SLC35A5: variants seen among roughly 807,000 people sequenced by gnomAD.
The protein encoded by SLC35A5 is solute carrier family 35 member A5.
In SLC35A5, 28 loss-of-function variants were observed where a neutral mutation model predicts 36.3. The ratio of observed to expected loss-of-function variants is 0.77; its 90% CI spans 0.57 to 1.06. The LOEUF is 1.06. Ranked by LOEUF, SLC35A5 falls within the 50% of genes least tolerant of loss-of-function variation. The pLI is 0.00. For missense variants in SLC35A5, 521 were observed against 499.3 expected, an observed-to-expected ratio of 1.04 and a Z score of -0.41; for synonymous variants, 180 against 173.7, an observed-to-expected ratio of 1.04 and a Z score of -0.29.
chr3:112,580,902 A>G lies in SLC35A5; in HGVS notation c.785A>G (p.Glu262Gly), dbSNP rs1934882308. ...KILKEGNQLTESIFIQNSKLY... is the reference protein window; with the variant it reads ...KILKEGNQLTGSIFIQNSKLY... Reference sequence around the variant, plus strand: ...CTGAAGGAAGGGAACCAGCTCACTGAAAGCATCTTCATACAGAACAGCAAA... The same window carrying G: ...CTGAAGGAAGGGAACCAGCTCACTGGAAGCATCTTCATACAGAACAGCAAA... The change falls in exon 6 of 7, where the codon GAA (glutamate) becomes GGA (glycine). Residue 262 changes from glutamate to glycine, a missense_variant. By Grantham distance (98) the Glu-to-Gly change is moderately conservative (BLOSUM62 -2). Coordinates refer to ENST00000492406, the MANE Select transcript of SLC35A5 (RefSeq NM_017945.5). The G allele has an allele frequency of 1.9e-6, 3 of 1,614,062 alleles. No homozygotes were observed. The highest frequency in any genetic ancestry group is 2.5e-6 in the Non-Finnish European group (3 of 1,179,998).
At chr3:112,573,801 T>C in intron 4 of SLC35A5, 88 bp from the exon 5 acceptor site, 5 of 1,092,860 alleles carry the variant, frequency 4.6e-6, no homozygotes, top group Non-Finnish European at 5.5e-6. Flanking sequence ...ACCAAAAAGC[T>C]TTTTTTGTCA....
chr3:112,561,865 GT>G (rs1161617314), upstream of SLC35A5: 2 of 300,642 alleles, frequency 6.7e-6, no homozygotes, highest in East Asian at 9.4e-5. Context: ...TCTGCGAGCT[GT>G]CTGTCCTCGC....
At chr3:112,565,306 G>A (rs1250843865) in intron 2 of SLC35A5, among the ~76,000 whole-genome samples, 14 of 152,204 alleles carry the variant, frequency 9.2e-5, no homozygotes, top group Admixed American at 2.6e-4. Flanking sequence ...GGTAGGGGAT[G>A]ATGTGGAGTT....
Position 112,580,960 on chromosome 3 carries a change from G to A in SLC35A5, c.843G>A (p.Leu281=). Reference sequence around the variant, plus strand: ...TCTTTGGCATTCTGTTTAATGGGCTGACTCTGGGCCTTCAGAGGAGTAACC... The same window carrying A: ...TCTTTGGCATTCTGTTTAATGGGCTAACTCTGGGCCTTCAGAGGAGTAACC... The part of the protein sequence containing the change: ...LYFFGILFNG[L]TLGLQRSNRD... Residue 281 remains leucine, a synonymous_variant, in exon 6 of 7, where the codon CTG becomes CTA. Coordinates refer to ENST00000492406, the MANE Select transcript of SLC35A5 (RefSeq NM_017945.5). 6.2e-7 allele frequency: 1 copy of A among 1,614,146 alleles called. No individual in the cohort carries two copies. The highest frequency in any genetic ancestry group is 8.5e-7 in the Non-Finnish European group (1 of 1,179,992).
chr3:112,581,904 G>A (rs191686975), intron 6 of SLC35A5, among the ~76,000 whole-genome samples: 10 of 152,280 alleles, frequency 6.6e-5, no homozygotes, highest in East Asian at 1.9e-4. Flanking sequence ...CTTGCAAGGC[G>A]AGTAGGAGGA....
chr3:112,568,188 G>T (rs1320738481), intron 2 of SLC35A5, among the ~76,000 whole-genome samples: 1 of 152,260 alleles, frequency 6.6e-6, no homozygotes, highest in East Asian at 1.9e-4. Flanking sequence ...GAACAGAGAT[G>T]AATAAAGAAT....
chr3:112,564,670 C>T (rs1193361857), intron 2 of SLC35A5, among the ~76,000 whole-genome samples: 2 of 152,070 alleles, frequency 1.3e-5, no homozygotes, highest in African/African-American at 4.8e-5. Context: ...TCCCTTCCCA[C>T]GAGGCCATAT....
At position 112,580,771 on chromosome 3, in the gene SLC35A5, C is replaced by T. The variant is rs759263101; in HGVS notation, c.654C>T (p.Asn218=). 7.3e-5 allele frequency: 118 copies of T among 1,614,072 alleles called. No individual in the cohort carries two copies. Among genetic ancestry groups the T allele is most frequent in the Non-Finnish European group, 2.2e-5 (26 of 1,180,014 alleles). ...GGACTTTTCCTGAAGCTAAATGGAA[C>T]ACCACAGCCAGAGTTTTCAGTCACA... ...KEWTFPEAKW[N]TTARVFSHIR... Residue 218 remains asparagine, a synonymous_variant, in exon 6 of 7, where the codon AAC becomes AAT. Coordinates refer to ENST00000492406, the MANE Select transcript of SLC35A5 (RefSeq NM_017945.5).
intron 5 of SLC35A5, 123 bp downstream of exon 5, chr3:112,574,079 T>C (rs758047080): frequency 3.7e-6 from 3 of 813,010 alleles, no homozygotes; most frequent in Non-Finnish European, 5.9e-6. Context: ...CTAATTGACT[T>C]TGTGTACTGG....
At chr3:112,578,486 T>A (rs1193353457) in intron 5 of SLC35A5, among the ~76,000 whole-genome samples, 1 of 152,140 alleles carries the variant, frequency 6.6e-6, no homozygotes, top group East Asian at 1.9e-4. Context: ...ACCGAGGCAG[T>A]GGAGAGATGA....
intron 2 of SLC35A5, among the ~76,000 whole-genome samples, chr3:112,564,637 G>A (rs1403666720): frequency 2.6e-5 from 4 of 152,090 alleles, no homozygotes; most frequent in African/African-American, 7.2e-5. Context: ...TACAGGTGTC[G>A]GGCTGGGGGA....
rs12497217 is a variant in SLC35A5, at chr3:112,585,002, A to G, written c.*2266A>G. ...AGCTAAACAGTGGGTACATGTGGAC[A>G]CAGGATTCCAAAGTGAGAAGGGTGG... On this transcript the variant is annotated 3_prime_UTR_variant, in exon 7 of 7. Coordinates refer to ENST00000492406, the MANE Select transcript of SLC35A5 (RefSeq NM_017945.5). The G allele has an allele frequency of 0.086, 13,092 of 152,244 alleles. 777 individuals are homozygous for G. Among genetic ancestry groups the G allele is most frequent in the South Asian group, 0.23 (1,086 of 4,822 alleles). The allele number at this position is 152,244 out of a possible 1,614,324, so 9.4% of individuals were successfully genotyped here. A position where few individuals can be genotyped will look rare whatever the true frequency, so the allele number is the denominator to read the frequency against.
chr3:112,569,222 T>C lies in SLC35A5; in HGVS notation c.182T>C (p.Val61Ala), dbSNP rs751692175. 4.3e-6 allele frequency: 7 copies of C among 1,613,918 alleles called. No individual in the cohort carries two copies. In the East Asian group the frequency reaches 1.6e-4, roughly 36 times the overall value. ...ACTGTGAATGTGTGCTCAGAACTGG[T>C]GAAGCTAGTTTTCTGTGTGCTTGTG... ...PTTVNVCSEL[V>A]KLVFCVLVSF... The change falls in exon 3 of 7, where the codon GTG (valine) becomes GCG (alanine). Residue 61 changes from valine to alanine, a missense_variant. Coordinates refer to ENST00000492406, the MANE Select transcript of SLC35A5 (RefSeq NM_017945.5).
chr3:112,577,867 C>T (rs1188723284), intron 5 of SLC35A5, among the ~76,000 whole-genome samples: 1 of 152,126 alleles, frequency 6.6e-6, no homozygotes, highest in African/African-American at 2.4e-5. Flanking sequence ...CCCCTTGTCA[C>T]TCTCTTTGTG....
intron 2 of SLC35A5, among the ~76,000 whole-genome samples, chr3:112,566,620 G>T (rs757486537): frequency 1.3e-5 from 2 of 152,182 alleles, no homozygotes; most frequent in Non-Finnish European, 2.9e-5. Context: ...AGAAAGGAAA[G>T]AAAGTTTGAA....
Position 112,584,986 on chromosome 3 carries a change from G to T in SLC35A5, c.*2250G>T, listed in dbSNP as rs1281405851. The T allele has an allele frequency of 6.6e-6, 1 of 152,166 alleles. No individual in the cohort carries two copies. The highest frequency in any genetic ancestry group is 1.5e-5 in the Non-Finnish European group (1 of 68,036). The allele number at this position is 152,166 out of a possible 1,614,324, so 9.4% of individuals were successfully genotyped here. ...CTCACTTATAAGTGGGAGCTAAACA[G>T]TGGGTACATGTGGACACAGGATTCC... On this transcript the variant is annotated 3_prime_UTR_variant, in exon 7 of 7. Transcript: ENST00000492406.
Position 112,585,175 on chromosome 3 carries a change from C to G in SLC35A5, c.*2439C>G, listed in dbSNP as rs372169764. 1 of 150,922 alleles carries G rather than the reference C, an allele frequency of 6.6e-6. No individual in the cohort carries two copies. Among genetic ancestry groups the G allele is most frequent in the African/African-American group, 2.5e-5 (1 of 40,232 alleles). 9.3% of individuals were successfully genotyped at this position (150,922 alleles called of 1,614,324 possible). On this transcript the variant is annotated 3_prime_UTR_variant, in exon 7 of 7. Transcript: ENST00000492406. ...AGCATGGCTGAAGGCGAAACAGAAG[C>G]AAGCACCTTCTTCACAAGGCAGCAG...
At chr3:112,572,503 A>G (rs1432909921) in intron 4 of SLC35A5, among the ~76,000 whole-genome samples, 1 of 152,138 alleles carries the variant, frequency 6.6e-6, no homozygotes, top group East Asian at 1.9e-4. Flanking sequence ...TGCAAATTCA[A>G]TACATTTTAT....
chr3:112,582,201 G>A (rs924063603), intron 6 of SLC35A5, among the ~76,000 whole-genome samples: 6 of 152,134 alleles, frequency 3.9e-5, no homozygotes, highest in African/African-American at 9.7e-5. Flanking sequence ...TTCCCTGGGT[G>A]TAATGCCTCT....
Sources: gnomAD v4.1 joint callset for allele counts (sites outside exome capture counted in the v4.1 genomes callset) on GRCh38, gnomAD v4.1.1 for gene constraint, MANE v1.5 for transcripts, NCBI Gene and HGNC (gene_info 2026-07-23, HGNC 2026-07-21) for gene names.